STPG2: variants seen among roughly 807,000 people sequenced by gnomAD.
The protein encoded by STPG2 is sperm tail PG-rich repeat containing 2.
STPG2 carries 56 observed loss-of-function variants against 54.2 expected under a neutral mutation model. The observed-to-expected ratio is 1.03, with a 90% confidence interval of 0.83 to 1.29. The LOEUF is 1.29. Ranked by LOEUF, STPG2 falls within the 50% of genes most tolerant of loss-of-function variation. The pLI, the probability that STPG2 is intolerant of heterozygous loss-of-function variation, is 0.00. For synonymous variants in STPG2, 200 were observed against 181.8 expected, an observed-to-expected ratio of 1.10 and a Z score of -0.81; for missense variants, 596 against 544.9, an observed-to-expected ratio of 1.09 and a Z score of -0.93.
At chr4:97,487,270 AAAT>A (rs1294888929) in intron 4 of STPG2, among the ~76,000 whole-genome samples, 1 of 151,564 alleles carries the variant, frequency 6.6e-6, no homozygotes, top group African/African-American at 2.4e-5. Context: ...AGAAAAGGAA[AAAT>A]ATAACTATAG....
chr4:97,737,174 T>G (rs1029691890), intron 9 of STPG2, among the ~76,000 whole-genome samples: 2 of 152,086 alleles, frequency 1.3e-5, no homozygotes, highest in Non-Finnish European at 2.9e-5. Context: ...GGAAAACTAA[T>G]GAACAGAAAG....
At chr4:97,486,804 G>GGT (rs546341277) in intron 4 of STPG2, among the ~76,000 whole-genome samples, 9,678 of 130,724 alleles carry the variant, frequency 0.074, 793 homozygotes, top group African/African-American at 0.21. Flanking sequence ...AAGAAACTGT[G>GGT]GTGTGTGTGT....
intron 9 of STPG2, among the ~76,000 whole-genome samples, chr4:97,736,136 C>A (rs888065860): frequency 1.3e-5 from 2 of 151,876 alleles, no homozygotes; most frequent in African/African-American, 2.4e-5. Flanking sequence ...AATGTCAATT[C>A]CTCAGAAATT....
chr4:97,647,149 G>T (rs1721935449), intron 10 of STPG2, among the ~76,000 whole-genome samples: 1 of 152,032 alleles, frequency 6.6e-6, no homozygotes, highest in South Asian at 2.1e-4. Flanking sequence ...GAATCATTCT[G>T]GTCAGATGAG....
intron 4 of STPG2, among the ~76,000 whole-genome samples, chr4:97,465,800 A>G (rs1025089639): frequency 6.6e-6 from 1 of 152,004 alleles, no homozygotes; most frequent in Non-Finnish European, 1.5e-5. Flanking sequence ...GTTGAATTGT[A>G]CTTTTTGATG....
At chr4:97,957,945 A>G (rs1733741142) in intron 7 of STPG2, among the ~76,000 whole-genome samples, 1 of 152,134 alleles carries the variant, frequency 6.6e-6, no homozygotes, top group Admixed American at 6.6e-5. Flanking sequence ...AAATCCCAGA[A>G]GCACATCAAA....
Position 97,651,374 on chromosome 4 carries a change from A to C in STPG2, c.1320+61325T>G, listed in dbSNP as rs941019489. Among the ~76,000 whole-genome samples, 4 of 152,274 alleles carry C rather than the reference A, an allele frequency of 2.6e-5. No homozygotes were observed. The East Asian group carries it at 5.8e-4, about 22-fold the overall frequency. ...CAGAGTATCAACAGGTTAAACTGTT[A>C]TTATAAAAATCAATCTTGAGTGTAA... On this transcript the variant is annotated intron_variant, in intron 10 of 10. Coordinates refer to ENST00000295268, the MANE Select transcript of STPG2 (RefSeq NM_174952.3).
intron 5 of STPG2, among the ~76,000 whole-genome samples, chr4:98,013,375 G>A (rs999581324): frequency 6.6e-6 from 1 of 152,088 alleles, no homozygotes; most frequent in African/African-American, 2.4e-5. Context: ...GTTTTCGCAT[G>A]AATGTTCTTC....
intron 9 of STPG2, among the ~76,000 whole-genome samples, chr4:97,772,044 TC>T (rs1303500576): frequency 6.6e-6 from 1 of 152,264 alleles, no homozygotes; most frequent in East Asian, 1.9e-4. Flanking sequence ...GAGAGCCCCT[TC>T]CTCCTGAAAT....
chr4:97,516,343 C>A (rs1032400929), intron 4 of STPG2, among the ~76,000 whole-genome samples: 6 of 152,024 alleles, frequency 3.9e-5, no homozygotes, highest in Non-Finnish European at 8.8e-5. Flanking sequence ...CTCATCTAAC[C>A]CATTCATTTT....
At chr4:97,737,579 G>C (rs1247454237) in intron 9 of STPG2, among the ~76,000 whole-genome samples, 1 of 152,172 alleles carries the variant, frequency 6.6e-6, no homozygotes, top group Non-Finnish European at 1.5e-5. Context: ...AGCCTCAGGA[G>C]CTGATGTGAT....
chr4:97,880,376 G>C (rs1290693771), intron 8 of STPG2, among the ~76,000 whole-genome samples: 1 of 152,168 alleles, frequency 6.6e-6, no homozygotes, highest in Admixed American at 6.5e-5. Context: ...GACAGAGCAA[G>C]TATGCCCAAA....
intron 10 of STPG2, among the ~76,000 whole-genome samples, chr4:97,663,835 A>G (rs1200442281): frequency 2.0e-5 from 3 of 152,216 alleles, no homozygotes; most frequent in Non-Finnish European, 1.5e-5. Flanking sequence ...TTCCTTGCCA[A>G]ATGATGAATT....
At chr4:97,456,043 C>A (rs193178478) in intron 4 of STPG2, among the ~76,000 whole-genome samples, 2 of 152,294 alleles carry the variant, frequency 1.3e-5, no homozygotes, top group Non-Finnish European at 2.9e-5. Flanking sequence ...AACTGAATTT[C>A]ACTAAAATTA....
At chr4:97,906,702 C>A (rs1350523402) in intron 8 of STPG2, among the ~76,000 whole-genome samples, 2 of 151,750 alleles carry the variant, frequency 1.3e-5, no homozygotes, top group Admixed American at 1.3e-4. Flanking sequence ...GGATGCAAGG[C>A]TGGTTCAATA....
downstream of STPG2, among the ~76,000 whole-genome samples, chr4:97,554,023 A>C (rs1268393077): frequency 6.6e-6 from 1 of 152,166 alleles, no homozygotes; most frequent in Non-Finnish European, 1.5e-5. Flanking sequence ...TTAATTTCTT[A>C]CCGTTATCTT....
At chr4:97,471,013 C>A (rs1399762097) in intron 4 of STPG2, among the ~76,000 whole-genome samples, 1 of 152,026 alleles carries the variant, frequency 6.6e-6, no homozygotes, top group Non-Finnish European at 1.5e-5. Flanking sequence ...GTGTCGATGT[C>A]AATGTTTATG....
At chr4:97,994,267 G>T (rs529935092) in intron 5 of STPG2, among the ~76,000 whole-genome samples, 1 of 152,164 alleles carries the variant, frequency 6.6e-6, no homozygotes, top group Admixed American at 6.5e-5. Context: ...CCATGTATTT[G>T]CATGGTTTTG....
intron 10 of STPG2, among the ~76,000 whole-genome samples, chr4:97,690,460 T>C (rs1463558948): frequency 3.3e-5 from 5 of 150,854 alleles, no homozygotes; most frequent in African/African-American, 1.2e-4. Context: ...CCACCAAGAG[T>C]AGGCAATAGG....
Sources: allele counts gnomAD v4.1 joint callset (sites outside exome capture counted in the v4.1 genomes callset), GRCh38; gene constraint gnomAD v4.1.1; transcripts MANE v1.5; gene names NCBI Gene and HGNC (gene_info 2026-07-23, HGNC 2026-07-21).